Variants in CEP104 observed in about 807,000 individuals in gnomAD.
CEP104 encodes the protein centrosomal protein of 104 kDa.
Under a neutral mutation model 113.3 loss-of-function variants are expected in CEP104, and 84 were observed. That is an observed-to-expected ratio of 0.74 (90% confidence interval 0.62 to 0.89). The LOEUF is 0.89. CEP104 is among the 40% of genes least tolerant of loss of function. The pLI, the probability that CEP104 is intolerant of heterozygous loss-of-function variation, is 0.00. For synonymous variants in CEP104, 378 were observed against 421.7 expected, an observed-to-expected ratio of 0.90 and a Z score of 1.27; for missense variants, 1,053 against 1,156.6, an observed-to-expected ratio of 0.91 and a Z score of 1.30.
chr1:3,840,053 C>T (rs181790474), intron 6 of CEP104, among the ~76,000 whole-genome samples: 120 of 152,286 alleles, frequency 7.9e-4, no homozygotes, highest in Non-Finnish European at 1.5e-3. Flanking sequence ...GCTCAGAGTG[C>T]AGACTCTGGG....
At chr1:3,843,050 A>T (rs1288491401) in intron 6 of CEP104, 6 of 495,614 alleles carry the variant, frequency 1.2e-5, no homozygotes, top group Non-Finnish European at 1.9e-5. Context: ...AGCCTCCCAA[A>T]GTGCTGGGAT....
intron 14 of CEP104, among the ~76,000 whole-genome samples, 159 bp from the exon 15 acceptor site, chr1:3,829,532 G>A (rs1373919461): frequency 6.6e-6 from 1 of 152,184 alleles, no homozygotes; most frequent in African/African-American, 2.4e-5. Flanking sequence ...TTTCATTGGT[G>A]TCTATTGATA....
In CEP104 at chr1:3,813,784, A is replaced by C. The variant is rs1570752678; in HGVS notation, c.*1618T>G. 6.6e-6 allele frequency: 1 copy of C among 152,052 alleles called. No homozygotes were observed. Among genetic ancestry groups the C allele is most frequent in the East Asian group, 2.0e-4 (1 of 5,040 alleles). 9.4% of individuals were successfully genotyped at this position (152,052 alleles called of 1,614,324 possible). Reference sequence around the variant, plus strand: ...AGAATTGCTTGAACCCAGGAGGTGGAGGTTACTGTGAGCCAAGATCACGCC... The same window carrying C: ...AGAATTGCTTGAACCCAGGAGGTGGCGGTTACTGTGAGCCAAGATCACGCC... On this transcript the variant is annotated 3_prime_UTR_variant, in exon 22 of 22. Coordinates refer to ENST00000378230, the MANE Select transcript of CEP104 (RefSeq NM_014704.4).
At position 3,844,698 on chromosome 1, in the gene CEP104, C is replaced by CAAAAAAAAA. The variant is rs59649331; in HGVS notation, c.566+200_566+208dup. Among the ~76,000 whole-genome samples, 3 of 79,718 alleles carry CAAAAAAAAA rather than the reference C, an allele frequency of 3.8e-5. 1 individual carries two copies. Among genetic ancestry groups the CAAAAAAAAA allele is most frequent in the Non-Finnish European group, 7.3e-5 (3 of 40,998 alleles). The allele number at this position is 79,718 out of a possible 152,430, so 52.3% of individuals were successfully genotyped here. ...GGGCAGCAAGAGTGAAATTCTGTCT[C>CAAAAAAAAA]AAAAAAAAAGGAAAAAAATAAATGC... On this transcript the variant is annotated intron_variant, in intron 6 of 21. Transcript: ENST00000378230.
intron 12 of CEP104, among the ~76,000 whole-genome samples, chr1:3,833,054 G>A (rs1317182959): frequency 2.7e-5 from 4 of 148,834 alleles, no homozygotes; most frequent in South Asian, 2.1e-4. Flanking sequence ...GCGTGATCTC[G>A]GCTCACTGAA....
At chr1:3,833,810 A>G (rs1187736585) in intron 12 of CEP104, 52 bp downstream of exon 12, 1 of 1,555,172 alleles carries the variant, frequency 6.4e-7, no homozygotes, top group African/African-American at 1.4e-5. Flanking sequence ...CCAGAGAGCT[A>G]CAGGAATATG....
chr1:3,815,182 C>A lies in CEP104; in HGVS notation c.*220G>T, dbSNP rs753093605. 15 of 560,168 alleles carry A rather than the reference C, an allele frequency of 2.7e-5. No homozygotes were observed. The highest frequency in any genetic ancestry group is 4.3e-4 in the Middle Eastern group (1 of 2,332). The allele number at this position is 560,168 out of a possible 1,614,324, so 34.7% of individuals were successfully genotyped here. On this transcript the variant is annotated 3_prime_UTR_variant, in exon 22 of 22. Coordinates refer to ENST00000378230, the MANE Select transcript of CEP104 (RefSeq NM_014704.4). ...AGCCCTGAAGGCTTAATGTACAGTG[C>A]GGCCAGGTCCTGGCACTGCACGCAG...
At chr1:3,856,076 T>A in intron 1 of CEP104, 1 of 418,686 alleles carries the variant, frequency 2.4e-6, no homozygotes, top group Non-Finnish European at 3.2e-6. Context: ...GTTACAAGAC[T>A]AGGAAACAAA....
rs2124659284 is a variant in CEP104, at chr1:3,831,075, A to T, written c.1807T>A (p.Ser603Thr). The T allele has an allele frequency of 6.2e-7, 1 of 1,614,042 alleles. No individual in the cohort carries two copies. The highest frequency in any genetic ancestry group is 2.2e-5 in the East Asian group (1 of 44,878). The change falls in exon 13 of 22, where the codon TCG becomes ACG. Residue 603 changes from serine to threonine, a missense_variant. Transcript: ENST00000378230. Reference sequence around the variant, plus strand: ...ATCACGTTGTCAATGGTGAAGCCCGAGCTGCCAGTGCCCAGGTCTTTCAGC... The same window carrying T: ...ATCACGTTGTCAATGGTGAAGCCCGTGCTGCCAGTGCCCAGGTCTTTCAGC... ...RLLKDLGTGS[S>T]GFTIDNVMKF...
intron 20 of CEP104, among the ~76,000 whole-genome samples, chr1:3,817,676 C>G (rs771660230): frequency 6.6e-6 from 1 of 152,178 alleles, no homozygotes; most frequent in Non-Finnish European, 1.5e-5. Context: ...CCCCCTCCCC[C>G]GTGGAGGGAC....
In CEP104 at chr1:3,836,467, C is replaced by T. The variant is rs2275825; in HGVS notation, c.1317+28G>A. The stretch of plus-strand genomic sequence containing the variant: ...TAGACTAGCCTCCCCTCTGCCACCC[C>T]GTTTTTTTTTTTTTTTTTTTTTTTT... On this transcript the variant is annotated intron_variant, in intron 10 of 21. Coordinates refer to ENST00000378230, the MANE Select transcript of CEP104 (RefSeq NM_014704.4). 617 of 1,187,210 alleles carry T rather than the reference C, an allele frequency of 5.2e-4. No homozygotes were observed. In the African/African-American group the frequency reaches 7.9e-3, roughly 15 times the overall value. The allele number at this position is 1,187,210 out of a possible 1,614,324, so 73.5% of individuals were successfully genotyped here.
At chr1:3,837,665 A>G (rs920977437) in intron 8 of CEP104, 146 bp from the exon 9 acceptor site, 2 of 669,396 alleles carry the variant, frequency 3.0e-6, no homozygotes, top group African/African-American at 3.6e-5. Context: ...CCAAAGAGAA[A>G]CTTCCACAGA....
At position 3,837,457 on chromosome 1, in the gene CEP104, T is replaced by G; in HGVS notation, c.954A>C (p.Gln318His). ...GTTGTGGTAGTGAGGGCATTGGCTTTTGGTGGCAAGGACTGCCAGAACGAG... is the reference window on the plus strand; with the variant it reads ...GTTGTGGTAGTGAGGGCATTGGCTTGTGGTGGCAAGGACTGCCAGAACGAG... ...PLARSGSPCH[Q>H]KPMPSLPQLE... The change falls in exon 9 of 22, where the codon CAA becomes CAC. Residue 318 changes from glutamine (Q) to histidine (H), a missense_variant. Physicochemically the swap from Gln to His is conservative, Grantham distance 24. Coordinates refer to ENST00000378230, the MANE Select transcript of CEP104 (RefSeq NM_014704.4). 1 of 1,614,222 alleles carries G rather than the reference T, an allele frequency of 6.2e-7. No homozygotes were observed. Among genetic ancestry groups the G allele is most frequent in the Non-Finnish European group, 8.5e-7 (1 of 1,180,038 alleles).
intron 15 of CEP104, among the ~76,000 whole-genome samples, chr1:3,827,511 C>A (rs1293699704): frequency 6.6e-6 from 1 of 152,180 alleles, no homozygotes; most frequent in Non-Finnish European, 1.5e-5. Context: ...TGAGTCACTG[C>A]GTCTGGCCGA....
rs2275824 is a variant in CEP104, at chr1:3,836,572, A to C, written c.1240T>G (p.Leu414Val). The C allele has an allele frequency of 6.2e-7, 1 of 1,608,438 alleles. No individual in the cohort carries two copies. Among genetic ancestry groups the C allele is most frequent in the Non-Finnish European group, 8.5e-7 (1 of 1,178,786 alleles). ...TCGGTTAAGGGCTCTGGCTCCCCTA[A>C]CATGCCTCCCCTCCGAGCATCGCTG... ...DISDARRGGM[L>V]GEPEPLTEKA... The change falls in exon 10 of 22, where the codon TTA becomes GTA. Residue 414 changes from leucine (L) to valine (V), a missense_variant. Physicochemically the swap from Leu to Val is conservative, Grantham distance 32. Coordinates refer to ENST00000378230, the MANE Select transcript of CEP104 (RefSeq NM_014704.4).
intron 20 of CEP104, among the ~76,000 whole-genome samples, chr1:3,820,560 C>T (rs1207931718): frequency 1.0e-3 from 41 of 40,748 alleles, no homozygotes; most frequent in Admixed American, 7.1e-3. Context: ...GTCCAGGGTT[C>T]TTCCAAGATG....
chr1:3,815,317 C>T lies in CEP104; in HGVS notation c.*85G>A. ...GACAGCAGCCAGAGCATGGGGCCAC[C>T]AAGGCCAGAGAGTTCTGGAGAGATG... On this transcript the variant is annotated 3_prime_UTR_variant, in exon 22 of 22. Transcript: ENST00000378230. 1 of 1,068,094 alleles carries T rather than the reference C, an allele frequency of 9.4e-7. No individual in the cohort carries two copies. Among genetic ancestry groups the T allele is most frequent in the Non-Finnish European group, 1.4e-6 (1 of 722,674 alleles). The allele number at this position is 1,068,094 out of a possible 1,614,324, so 66.2% of individuals were successfully genotyped here.
At chr1:3,834,792 G>A in intron 11 of CEP104, 133 bp downstream of exon 11, 1 of 733,658 alleles carries the variant, frequency 1.4e-6, no homozygotes, top group Non-Finnish European at 2.2e-6. Context: ...ATTTCTTAGT[G>A]ATTCTATTGA....
chr1:3,817,125 T>A (rs1643892206), intron 20 of CEP104, among the ~76,000 whole-genome samples: 1 of 152,118 alleles, frequency 6.6e-6, no homozygotes, highest in Non-Finnish European at 1.5e-5. Context: ...GAGGTCAGGA[T>A]TTTGAGACCA....
Sources: allele counts gnomAD v4.1 joint callset (sites outside exome capture counted in the v4.1 genomes callset), GRCh38; gene constraint gnomAD v4.1.1; transcripts MANE v1.5; gene names NCBI Gene and HGNC (gene_info 2026-07-23, HGNC 2026-07-21).